The following DCPS variants were observed in gnomAD, a reference collection of about 807,000 sequenced individuals.
DCPS encodes the protein decapping enzyme, scavenger.
Under a neutral mutation model 34.7 loss-of-function variants are expected in DCPS, and 27 were observed. The observed-to-expected ratio is 0.78, with a 90% CI of 0.57 to 1.07. The LOEUF (loss-of-function observed/expected upper bound fraction) is 1.07. DCPS is among the 50% of genes least tolerant of loss of function. The pLI, the probability that DCPS is intolerant of heterozygous loss-of-function variation, is 0.00. For synonymous variants in DCPS, 185 were observed against 185.7 expected (o/e 1.00, Z 0.03); for missense variants, 464 against 436.9 (o/e 1.06, Z -0.55).
chr11:126,315,194 C>T lies in DCPS; in HGVS notation c.376+8450C>T, dbSNP rs368091314. On this transcript the variant is annotated intron_variant, in intron 2 of 5. Coordinates refer to ENST00000263579, the MANE Select transcript of DCPS (RefSeq NM_014026.6). This position sits in a 1 kb window ranked among gnomAD's most constrained non-coding sequence, Gnocchi z 6.1. ...AAATAGTCTCTATGCCAAACCCCTG[C>T]GAGACAATTTACCTGTAAACAAAGC... Among the ~76,000 whole-genome samples the T allele has an allele frequency of 1.1e-4, 17 of 151,882 alleles. No homozygotes were observed. The highest frequency in any genetic ancestry group is 5.8e-4 in the East Asian group (3 of 5,170).
In DCPS at chr11:126,342,243, C is replaced by T. The variant is rs1337537269; in HGVS notation, c.637-1064C>T. Reference sequence around the variant, plus strand: ...GTTCATTTGCTCTCTGGCACAAGATCTTGACTTTGATTCTTTGTACTGTTG... The same window carrying T: ...GTTCATTTGCTCTCTGGCACAAGATTTTGACTTTGATTCTTTGTACTGTTG... On this transcript the variant is annotated intron_variant, in intron 4 of 5. Transcript: ENST00000263579. The surrounding 1 kb of genome is among the most constrained non-coding windows in gnomAD (Gnocchi z 4.4). 1 of 152,402 alleles carries T rather than the reference C, an allele frequency of 6.6e-6. No homozygotes were observed. Among genetic ancestry groups the T allele is most frequent in the Non-Finnish European group, 1.5e-5 (1 of 68,094 alleles). 9.4% of individuals were successfully genotyped at this position (152,402 alleles called of 1,614,324 possible).
chr11:126,343,067 C>CAAA (rs34804017), intron 4 of DCPS, among the ~76,000 whole-genome samples: 7 of 102,244 alleles, frequency 6.8e-5, no homozygotes, highest in African/African-American at 1.6e-4. Flanking sequence ...GAGACTCTGT[C>CAAA]AAAAAAAAAA....
chr11:126,330,534 G>A (rs2135326008), intron 2 of DCPS, among the ~76,000 whole-genome samples: 1 of 151,600 alleles, frequency 6.6e-6, no homozygotes, highest in East Asian at 1.9e-4. Flanking sequence ...AGGTTAAACA[G>A]CTGAACCGTG....
rs1951765106 is a variant in DCPS at position 126,329,381 on chromosome 11, GA to G, written c.377-2023del. Among the ~76,000 whole-genome samples, 1 of 152,168 alleles carries G rather than the reference GA, an allele frequency of 6.6e-6. No individual in the cohort carries two copies. The highest frequency in any genetic ancestry group is 1.5e-5 in the Non-Finnish European group (1 of 68,036). ...AACAACTCTGTGAGGCAGATTTGAT[GA>G]CCACCCTTTAATAGGTGAGGAAGCC... On this transcript the variant is annotated intron_variant, in intron 2 of 5. Transcript: ENST00000263579. This position sits in a 1 kb window ranked among gnomAD's most constrained non-coding sequence, Gnocchi z 5.0.
chr11:126,340,689 T>C (rs888457400), intron 4 of DCPS, among the ~76,000 whole-genome samples: 1 of 152,160 alleles, frequency 6.6e-6, no homozygotes, highest in Non-Finnish European at 1.5e-5. Context: ...TTGAGGAGCT[T>C]TCCTAGCCAC....
intron 1 of DCPS, 110 bp from the exon 2 acceptor site, chr11:126,306,460 A>G: frequency 8.2e-7 from 1 of 1,213,224 alleles, no homozygotes; most frequent in Non-Finnish European, 1.1e-6. Flanking sequence ...ACTTCAGGGA[A>G]GGAAATCCCA....
At position 126,332,185 on chromosome 11, in the gene DCPS, G is replaced by T. The variant is rs777749951; in HGVS notation, c.522+635G>T. 6.6e-6 allele frequency among the ~76,000 whole-genome samples: 1 copy of T among 152,084 alleles called. No homozygotes were observed. Among genetic ancestry groups the T allele is most frequent in the Non-Finnish European group, 1.5e-5 (1 of 68,022 alleles). On this transcript the variant is annotated intron_variant, in intron 3 of 5. Transcript: ENST00000263579. This position sits in a 1 kb window ranked among gnomAD's most constrained non-coding sequence, Gnocchi z 5.4. ...CCCTCACCGACTCCCCCTTGCATTC[G>T]TCCAAAAGAAGGCAGGACCCCATTG...
At position 126,335,694 on chromosome 11, in the gene DCPS, G is replaced by A. The variant is rs1031584028; in HGVS notation, c.523-2592G>A. Among the ~76,000 whole-genome samples, 1 of 152,192 alleles carries A rather than the reference G, an allele frequency of 6.6e-6. No homozygotes were observed. Among genetic ancestry groups the A allele is most frequent in the Non-Finnish European group, 1.5e-5 (1 of 68,038 alleles). ...CTGTAATCCCAGCACTTTGGGCCAA[G>A]GTGGGCAGTTCACTTGAGGTCAGGA... On this transcript the variant is annotated intron_variant, in intron 3 of 5. Coordinates refer to ENST00000263579, the MANE Select transcript of DCPS (RefSeq NM_014026.6). This position sits in a 1 kb window ranked among gnomAD's most constrained non-coding sequence, Gnocchi z 4.8.
intron 2 of DCPS, among the ~76,000 whole-genome samples, chr11:126,326,906 G>C (rs1475271421): frequency 6.7e-6 from 1 of 150,146 alleles, no homozygotes; most frequent in Non-Finnish European, 1.5e-5. Context: ...CTGGGCGACA[G>C]AGCGAGACTC....
chr11:126,307,719 T>C (rs1009441151), intron 2 of DCPS, among the ~76,000 whole-genome samples: 2 of 152,214 alleles, frequency 1.3e-5, no homozygotes. Flanking sequence ...AATAATAGAT[T>C]AATCTACTAA....
At position 126,328,425 on chromosome 11, in the gene DCPS, G is replaced by A. The variant is rs1040688122; in HGVS notation, c.377-2980G>A. 6.6e-6 allele frequency among the ~76,000 whole-genome samples: 1 copy of A among 152,160 alleles called. No homozygotes were observed. Among genetic ancestry groups the A allele is most frequent in the Non-Finnish European group, 1.5e-5 (1 of 68,016 alleles). ...TGCAGTCAGGTTCCCATCCCTGCAG[G>A]TGCACCTCAGGAAAGGCAGGAGGAT... is the stretch of plus-strand genomic sequence containing the variant. On this transcript the variant is annotated intron_variant, in intron 2 of 5. Coordinates refer to ENST00000263579, the MANE Select transcript of DCPS (RefSeq NM_014026.6). The surrounding 1 kb of genome is among the most constrained non-coding windows in gnomAD (Gnocchi z 6.6).
In DCPS at chr11:126,320,618, C is replaced by T. The variant is rs936975118; in HGVS notation, c.377-10787C>T. Among the ~76,000 whole-genome samples, 19 of 152,238 alleles carry T rather than the reference C, an allele frequency of 1.2e-4. No individual in the cohort carries two copies. Among genetic ancestry groups the T allele is most frequent in the South Asian group, 2.1e-4 (1 of 4,824 alleles). ...AAGAGTTTGAGACCATCCTGGGCAA[C>T]GTGGCAAAACCCCATATCTACAAAA... On this transcript the variant is annotated intron_variant, in intron 2 of 5. Coordinates refer to ENST00000263579, the MANE Select transcript of DCPS (RefSeq NM_014026.6). This position sits in a 1 kb window ranked among gnomAD's most constrained non-coding sequence, Gnocchi z 4.7.
chr11:126,338,739 T>C lies in DCPS; in HGVS notation c.636+340T>C, dbSNP rs1951854718. On this transcript the variant is annotated intron_variant, in intron 4 of 5. Coordinates refer to ENST00000263579, the MANE Select transcript of DCPS (RefSeq NM_014026.6). The surrounding 1 kb of genome is among the most constrained non-coding windows in gnomAD (Gnocchi z 5.4). ...CCGCATCTGGAGCCCTCGGGTGGGG[T>C]GTTTCCATTTTCTCCATTCCCCTTG... 1.3e-5 allele frequency among the ~76,000 whole-genome samples: 2 copies of C among 151,668 alleles called. No individual in the cohort carries two copies. Among genetic ancestry groups the C allele is most frequent in the Admixed American group, 1.3e-4 (2 of 15,212 alleles).
rs1951925894 is a variant in DCPS at position 126,346,142 on chromosome 11, C to T, written c.*529C>T. On this transcript the variant is annotated 3_prime_UTR_variant, in exon 6 of 6. Coordinates refer to ENST00000263579, the MANE Select transcript of DCPS (RefSeq NM_014026.6). The surrounding 1 kb of genome is among the most constrained non-coding windows in gnomAD (Gnocchi z 4.1). ...AGTGAGGTCACACCTCCCTGTGAGT[C>T]AGTCAACCCTGCTGATAAACTTCTT... Among the ~76,000 whole-genome samples, 1 of 152,176 alleles carries T rather than the reference C, an allele frequency of 6.6e-6. No individual in the cohort carries two copies. Among genetic ancestry groups the T allele is most frequent in the Non-Finnish European group, 1.5e-5 (1 of 68,028 alleles).
At chr11:126,321,646 A>T (rs1264958736) in intron 2 of DCPS, among the ~76,000 whole-genome samples, 1 of 152,030 alleles carries the variant, frequency 6.6e-6, no homozygotes, top group Admixed American at 6.6e-5. Context: ...GGGTGAGCAG[A>T]CTCTAAATAA....
At chr11:126,304,569 G>A (rs778059577) in intron 1 of DCPS, among the ~76,000 whole-genome samples, 1 of 152,046 alleles carries the variant, frequency 6.6e-6, no homozygotes, top group Non-Finnish European at 1.5e-5. Context: ...CATTCCCCAA[G>A]CCATTCATCA....
rs1951689812 is a variant in DCPS at position 126,319,751 on chromosome 11, A to G, written c.377-11654A>G. ...ATGGCCCCAGCACAGGTATCTTAGG[A>G]ACGGCCCGAAAGAGGTTGGGCCTTT... On this transcript the variant is annotated intron_variant, in intron 2 of 5. Coordinates refer to ENST00000263579, the MANE Select transcript of DCPS (RefSeq NM_014026.6). This position sits in a 1 kb window ranked among gnomAD's most constrained non-coding sequence, Gnocchi z 4.5. Among the ~76,000 whole-genome samples the G allele has an allele frequency of 6.6e-6, 1 of 152,138 alleles. No individual in the cohort carries two copies. Among genetic ancestry groups the G allele is most frequent in the Non-Finnish European group, 1.5e-5 (1 of 68,028 alleles).
Position 126,348,508 on chromosome 11 carries a change from C to T in DCPS, c.*2895C>T, listed in dbSNP as rs1232508934. 6.6e-6 allele frequency among the ~76,000 whole-genome samples: 1 copy of T among 152,234 alleles called. No homozygotes were observed. The highest frequency in any genetic ancestry group is 1.5e-5 in the Non-Finnish European group (1 of 68,046). ...GCCGGCCACGGCCCCCATGCAGCTC[C>T]CTCCCTCAATCCAACCCTCTTTGGG... On this transcript the variant is annotated 3_prime_UTR_variant, in exon 6 of 6. Transcript: ENST00000263579. This position sits in a 1 kb window ranked among gnomAD's most constrained non-coding sequence, Gnocchi z 5.3.
rs1396004435 is a variant in DCPS, at chr11:126,319,820, C to T, written c.377-11585C>T. On this transcript the variant is annotated intron_variant, in intron 2 of 5. Coordinates refer to ENST00000263579, the MANE Select transcript of DCPS (RefSeq NM_014026.6). The surrounding 1 kb of genome is among the most constrained non-coding windows in gnomAD (Gnocchi z 4.5). ...ATAGAGGAACCAGACTGCCTGGGTTCAGATCTCAGCTCTGCCACTATTAAT... is the reference window on the plus strand; with the variant it reads ...ATAGAGGAACCAGACTGCCTGGGTTTAGATCTCAGCTCTGCCACTATTAAT... Among the ~76,000 whole-genome samples, 1 of 152,134 alleles carries T rather than the reference C, an allele frequency of 6.6e-6. No individual in the cohort carries two copies.
Sources: allele counts gnomAD v4.1 joint callset (sites outside exome capture counted in the v4.1 genomes callset), GRCh38; gene constraint gnomAD v4.1.1; non-coding constraint Gnocchi (gnomAD v3.1); transcripts MANE v1.5; gene names NCBI Gene and HGNC (gene_info 2026-07-23, HGNC 2026-07-21).